SNRPN: variants seen among roughly 807,000 people sequenced by gnomAD.
The protein encoded by SNRPN is small nuclear ribonucleoprotein polypeptide N.
SNRPN carries 7 observed loss-of-function variants against 25.2 expected under a neutral mutation model. The observed-to-expected ratio is 0.28, with a 90% CI of 0.16 to 0.52. The LOEUF is 0.52. Ranked by LOEUF, SNRPN falls within the 20% of genes least tolerant of loss-of-function variation. The pLI, the probability that SNRPN is intolerant of heterozygous loss-of-function variation, is 0.96. For synonymous variants in SNRPN, 124 were observed against 110.6 expected, an observed-to-expected ratio of 1.12 and a Z score of -0.76; for missense variants, 196 against 322.5, an observed-to-expected ratio of 0.61 and a Z score of 3.00.
chr15:24,895,048 G>A (rs2057987447), intron 2 of SNRPN, among the ~76,000 whole-genome samples: 1 of 152,162 alleles, frequency 6.6e-6, no homozygotes. Flanking sequence ...GAGTCATGGA[G>A]AAATGTAATG....
chr15:24,842,222 A>G (rs74617051), intron 2 of SNRPN, among the ~76,000 whole-genome samples: 28,018 of 151,844 alleles, frequency 0.18, 2,698 homozygotes, highest in South Asian at 0.21. Context: ...TACCAATCCC[A>G]AGGGAGGACT....
intron 3 of SNRPN, among the ~76,000 whole-genome samples, chr15:24,941,759 TTTTTTG>T (rs2061568974): frequency 6.6e-6 from 1 of 151,936 alleles, no homozygotes; most frequent in Non-Finnish European, 1.5e-5. Context: ...TAGATGGCAG[TTTTTTG>T]TTTTTATTTA....
intron 1 of SNRPN, among the ~76,000 whole-genome samples, chr15:24,885,011 T>A (rs2057069070): frequency 6.6e-6 from 1 of 152,188 alleles, no homozygotes; most frequent in Non-Finnish European, 1.5e-5. Flanking sequence ...CTTGTCTATG[T>A]AAAGACTAAA....
At chr15:24,850,162 C>T (rs1275078938) in intron 2 of SNRPN, 1 of 152,212 alleles carries the variant, frequency 6.6e-6, no homozygotes, top group Non-Finnish European at 1.5e-5. Flanking sequence ...AAGGAAACAG[C>T]AGAAGGTTGC....
chr15:24,842,454 T>C (rs1204286444), intron 2 of SNRPN, among the ~76,000 whole-genome samples: 2 of 152,120 alleles, frequency 1.3e-5, no homozygotes, highest in Non-Finnish European at 2.9e-5. Flanking sequence ...TCTGAGCTCA[T>C]CCCCAAAGGC....
At chr15:24,840,255 G>T (rs1237129834) in intron 2 of SNRPN, among the ~76,000 whole-genome samples, 1 of 152,292 alleles carries the variant, frequency 6.6e-6, no homozygotes, top group Admixed American at 6.5e-5. Context: ...CTATTCAGGA[G>T]GCTGAGACAG....
rs193215820 is a variant in SNRPN at position 24,971,796 on chromosome 15, A to G, written c.-143-2515A>G. ...CATAAAATTCACCCAATTTAAGTGC[A>G]TGAAGCAATGATTTAAGTAAATTTA... On this transcript the variant is annotated intron_variant, in intron 3 of 9. Transcript: ENST00000390687. Among the ~76,000 whole-genome samples the G allele has an allele frequency of 5.3e-5, 8 of 152,318 alleles. No homozygotes were observed. The East Asian group carries it at 1.4e-3, about 26-fold the overall frequency.
chr15:24,864,306 G>A (rs1211126150), intron 1 of SNRPN, among the ~76,000 whole-genome samples: 2 of 148,418 alleles, frequency 1.3e-5, no homozygotes, highest in African/African-American at 4.9e-5. Flanking sequence ...AGGATTACAG[G>A]CAAGAACCGC....
intron 1 of SNRPN, among the ~76,000 whole-genome samples, chr15:24,961,590 G>C (rs115048706): frequency 6.6e-6 from 1 of 152,214 alleles, no homozygotes; most frequent in East Asian, 1.9e-4. Context: ...ATAGTTTTTA[G>C]CTTGAGCAGC....
intron 1 of SNRPN, among the ~76,000 whole-genome samples, chr15:24,884,148 C>CAA (rs61039873): frequency 0.17 from 17,756 of 104,656 alleles, 1,957 homozygotes; most frequent in Middle Eastern, 0.4. Flanking sequence ...CCTGCCTCTA[C>CAA]AAAAAAAAAA....
intron 3 of SNRPN, among the ~76,000 whole-genome samples, chr15:24,923,810 T>C (rs2060177997): frequency 6.6e-6 from 1 of 151,662 alleles, no homozygotes; most frequent in African/African-American, 2.4e-5. Flanking sequence ...TGGGAAGGGC[T>C]CACTTGGGTC....
chr15:24,863,786 T>C (rs2054247422), intron 1 of SNRPN, among the ~76,000 whole-genome samples: 1 of 150,690 alleles, frequency 6.6e-6, no homozygotes, highest in South Asian at 2.1e-4. Context: ...TCTGTTTTCC[T>C]AGTTAACTGT....
intron 4 of SNRPN, 106 bp downstream of exon 4, chr15:24,974,562 A>G: frequency 9.7e-7 from 1 of 1,031,328 alleles, no homozygotes; most frequent in South Asian, 1.3e-5. Flanking sequence ...AGAAATAAGG[A>G]TACATCCATG....
chr15:24,847,729 C>T (rs929419057), intron 2 of SNRPN, among the ~76,000 whole-genome samples: 24 of 152,176 alleles, frequency 1.6e-4, no homozygotes, highest in Non-Finnish European at 1.5e-4. Context: ...CTGGCCCATG[C>T]CCACTTTTCC....
At chr15:24,958,814 G>T (rs546195718) in intron 1 of SNRPN, 83 of 154,326 alleles carry the variant, frequency 5.4e-4, no homozygotes, top group Non-Finnish European at 1.2e-3. Context: ...CAAACTCCTG[G>T]ATCAATCTAG....
In SNRPN at chr15:24,955,107, G is replaced by A. The variant is rs1177937520; in HGVS notation, c.-391+45G>A. The A allele has an allele frequency of 4.3e-6, 7 of 1,612,898 alleles. No individual in the cohort carries two copies. The East Asian group carries it at 6.7e-5, about 15-fold the overall frequency. On this transcript the variant is annotated intron_variant, in intron 1 of 9. Coordinates refer to ENST00000390687, the MANE Select transcript of SNRPN (RefSeq NM_003097.6). Reference sequence around the variant, plus strand: ...TCTCTCAAGAGACAGCCTGGGGAGCGGCCACTTTTATTCATCAGATATTCC... The same window carrying A: ...TCTCTCAAGAGACAGCCTGGGGAGCAGCCACTTTTATTCATCAGATATTCC...
At chr15:24,864,088 G>A (rs567612149) in intron 1 of SNRPN, among the ~76,000 whole-genome samples, 40 of 147,106 alleles carry the variant, frequency 2.7e-4, no homozygotes, top group Non-Finnish European at 4.0e-4. Flanking sequence ...GTGCCATGGC[G>A]TGAACTCTGC....
chr15:24,825,048 ATTT>A (rs2049979895), intron 1 of SNRPN, among the ~76,000 whole-genome samples: 1 of 152,084 alleles, frequency 6.6e-6, no homozygotes, highest in South Asian at 2.1e-4. Context: ...GGGGGCACTT[ATTT>A]AAGATACATG....
intron 1 of SNRPN, among the ~76,000 whole-genome samples, chr15:24,829,217 T>C (rs2050317111): frequency 6.6e-6 from 1 of 151,914 alleles, no homozygotes; most frequent in Non-Finnish European, 1.5e-5. Flanking sequence ...TAAAGGCCAA[T>C]GGGGATTCAG....
Sources: allele counts gnomAD v4.1 joint callset (sites outside exome capture counted in the v4.1 genomes callset), GRCh38; gene constraint gnomAD v4.1.1; transcripts MANE v1.5; gene names NCBI Gene and HGNC (gene_info 2026-07-23, HGNC 2026-07-21).